CD9: variants seen among roughly 807,000 people sequenced by gnomAD.
CD9 encodes the protein CD9 molecule, also known as CD9 antigen.
In CD9, 10 loss-of-function variants were observed where a neutral mutation model predicts 31.4. That is an observed-to-expected ratio of 0.32 (90% CI 0.20 to 0.54). The LOEUF (loss-of-function observed/expected upper bound fraction) is 0.54. Ranked by LOEUF, CD9 falls within the 20% of genes least tolerant of loss-of-function variation. The pLI is 0.94. For synonymous variants in CD9, 113 were observed against 114.1 expected (o/e 0.99, Z 0.06); for missense variants, 259 against 300.1 (o/e 0.86, Z 1.01).
chr12:6,213,882 A>G (rs150455006), intron 1 of CD9, among the ~76,000 whole-genome samples: 1 of 152,170 alleles, frequency 6.6e-6, no homozygotes, highest in African/African-American at 2.4e-5. Context: ...CAACACCCCA[A>G]ATTGAAAGCA....
At chr12:6,236,354 C>A in intron 7 of CD9, 79 bp downstream of exon 7, 2 of 1,269,020 alleles carry the variant, frequency 1.6e-6, no homozygotes, top group Non-Finnish European at 2.3e-6. Flanking sequence ...CAGACACCGC[C>A]GCACTCTGTG....
rs374597801 is a variant in CD9 at position 6,232,648 on chromosome 12, C to T, written c.192C>T (p.Ile64=). The T allele has an allele frequency of 1.3e-5, 20 of 1,576,086 alleles. No homozygotes were observed. The highest frequency in any genetic ancestry group is 3.6e-5 in the Admixed American group (2 of 55,466). ...SSFYTGVYIL[I]GAGALMMLVG... ...CTCCCGCAGGAGTCTATATTCTGAT[C>T]GGAGCCGGCGCCCTCATGATGCTGG... The change falls in exon 3 of 8, where the codon ATC becomes ATT. Residue 64 remains isoleucine (I), a synonymous_variant. Coordinates refer to ENST00000009180, the MANE Select transcript of CD9 (RefSeq NM_001769.4). The surrounding 1 kb of genome is among the most constrained non-coding windows in gnomAD (Gnocchi z 4.8).
chr12:6,225,780 T>C (rs918481606), intron 2 of CD9: 28 of 533,994 alleles, frequency 5.2e-5, no homozygotes, highest in East Asian at 6.5e-5. Context: ...GGTTCTCTGA[T>C]GTGATGTAGC....
intron 6 of CD9, chr12:6,235,981 C>A (rs998512306): frequency 7.0e-7 from 1 of 1,420,048 alleles, no homozygotes; most frequent in African/African-American, 1.4e-5. Context: ...TCCCTGACGT[C>A]CTGCCCAGAT....
chr12:6,203,143 C>G (rs1299314989), intron 1 of CD9, among the ~76,000 whole-genome samples: 1 of 152,172 alleles, frequency 6.6e-6, no homozygotes, highest in Admixed American at 6.5e-5. Flanking sequence ...ATTGTCCCCA[C>G]TGTACTGATG....
intron 1 of CD9, among the ~76,000 whole-genome samples, chr12:6,213,649 C>A (rs982525981): frequency 4.7e-4 from 71 of 152,324 alleles, no homozygotes; most frequent in Middle Eastern, 3.4e-3. Context: ...ACCTAGAACA[C>A]CTACACCCAG....
intron 1 of CD9, among the ~76,000 whole-genome samples, chr12:6,202,508 C>T (rs1183197079): frequency 1.3e-5 from 2 of 152,222 alleles, no homozygotes. Context: ...TAGACTGCAT[C>T]CAGGTTTGGG....
intron 1 of CD9, among the ~76,000 whole-genome samples, chr12:6,223,401 AC>A (rs1441088059): frequency 6.6e-6 from 1 of 151,980 alleles, no homozygotes; most frequent in African/African-American, 2.4e-5. Context: ...AGCTGGGACT[AC>A]AGGCGCCCGC....
At chr12:6,223,595 G>T (rs1946322021) in intron 1 of CD9, among the ~76,000 whole-genome samples, 1 of 152,172 alleles carries the variant, frequency 6.6e-6, no homozygotes, top group Non-Finnish European at 1.5e-5. Flanking sequence ...GGACCTGGGG[G>T]GGGACCCAGG....
chr12:6,216,899 T>A (rs1162804254), intron 1 of CD9, among the ~76,000 whole-genome samples: 1 of 152,216 alleles, frequency 6.6e-6, no homozygotes, highest in Non-Finnish European at 1.5e-5. Context: ...ATTATTATTG[T>A]CATTTTTTTT....
At chr12:6,204,960 C>T (rs1946114781) in intron 1 of CD9, among the ~76,000 whole-genome samples, 1 of 152,176 alleles carries the variant, frequency 6.6e-6, no homozygotes, top group Non-Finnish European at 1.5e-5. Flanking sequence ...CATTTGGCTG[C>T]GGGAAGGCCC....
intron 1 of CD9, among the ~76,000 whole-genome samples, chr12:6,206,690 T>C (rs1403069118): frequency 2.0e-5 from 3 of 152,164 alleles, no homozygotes; most frequent in African/African-American, 4.8e-5. Flanking sequence ...TTTTTTGTGA[T>C]AATTTTATAA....
chr12:6,232,524 G>A lies in CD9; in HGVS notation c.176-108G>A. ...TTCTTCCCTGAGATGAGGGGAATAAGGAGGTGGGGAGGCAGGAGTTAGGCA... is the reference window on the plus strand; with the variant it reads ...TTCTTCCCTGAGATGAGGGGAATAAAGAGGTGGGGAGGCAGGAGTTAGGCA... On this transcript the variant is annotated intron_variant, in intron 2 of 7. Transcript: ENST00000009180. The surrounding 1 kb of genome is among the most constrained non-coding windows in gnomAD (Gnocchi z 4.8). 8 of 725,094 alleles carry A rather than the reference G, an allele frequency of 1.1e-5. No individual in the cohort carries two copies. The highest frequency in any genetic ancestry group is 4.4e-5 in the South Asian group (3 of 67,498). 44.9% of individuals were successfully genotyped at this position (725,094 alleles called of 1,614,324 possible).
Position 6,235,326 on chromosome 12 carries a change from C to T in CD9, c.446C>T (p.Ala149Val), listed in dbSNP as rs929350862. The T allele has an allele frequency of 1.2e-6, 2 of 1,614,176 alleles. No individual in the cohort carries two copies. The highest frequency in any genetic ancestry group is 1.6e-4 in the Middle Eastern group (1 of 6,062). ...GAAACGCTGAAAGCCATCCACTATG[C>T]GGTATGTCGCCTTGGCAAAGACACC... ...QRETLKAIHY[A>V]LNCCGLAGGV... The change falls in exon 5 of 8, where the codon GCG (alanine) becomes GTG (valine). Residue 149 changes from alanine (A) to valine (V), a missense_variant and splice_region_variant. Transcript: ENST00000009180.
chr12:6,233,377 G>A (rs764045159), intron 3 of CD9, 35 bp from the exon 4 acceptor site: 16 of 1,539,650 alleles, frequency 1.0e-5, no homozygotes, highest in East Asian at 9.0e-5. Flanking sequence ...GGTTGGCTGG[G>A]ACTGTTCTCA....
At chr12:6,202,859 G>C (rs1229316059) in intron 1 of CD9, among the ~76,000 whole-genome samples, 1 of 152,222 alleles carries the variant, frequency 6.6e-6, no homozygotes, top group African/African-American at 2.4e-5. Flanking sequence ...ATTTACCCAG[G>C]ATCGCAGAGA....
At chr12:6,207,262 T>G (rs558390378) in intron 1 of CD9, among the ~76,000 whole-genome samples, 1 of 152,328 alleles carries the variant, frequency 6.6e-6, no homozygotes, top group South Asian at 2.1e-4. Context: ...GAGTCCCATA[T>G]TTCTGCCATA....
At chr12:6,223,490 T>C (rs1302813983) in intron 1 of CD9, among the ~76,000 whole-genome samples, 1 of 152,126 alleles carries the variant, frequency 6.6e-6, no homozygotes, top group African/African-American at 2.4e-5. Flanking sequence ...CTCGATCTCC[T>C]GACCTCGTGA....
chr12:6,214,970 A>G (rs1946230230), intron 1 of CD9, among the ~76,000 whole-genome samples: 1 of 152,164 alleles, frequency 6.6e-6, no homozygotes. Context: ...AGAGTTGTCC[A>G]GCCGTTCTCT....
Sources: gnomAD v4.1 joint callset for allele counts (sites outside exome capture counted in the v4.1 genomes callset) on GRCh38, gnomAD v4.1.1 for gene constraint, Gnocchi (gnomAD v3.1) non-coding constraint, MANE v1.5 for transcripts, NCBI Gene and HGNC (gene_info 2026-07-23, HGNC 2026-07-21) for gene names.